The following MTOR variants were observed in gnomAD, a reference collection of about 807,000 sequenced individuals.
MTOR encodes mechanistic target of rapamycin kinase, also known as serine/threonine-protein kinase mTOR.
In MTOR, 70 loss-of-function variants were observed where a neutral mutation model predicts 319.8. That is an observed-to-expected ratio of 0.22 (90% CI 0.18 to 0.27). The LOEUF (loss-of-function observed/expected upper bound fraction) is 0.27. Among genes scored for constraint, MTOR ranks in the 10% least tolerant of loss-of-function variants. MTOR has a pLI of 1.00. For missense variants in MTOR, 1,890 were observed against 3,274.4 expected (o/e 0.58, Z 10.32); for synonymous variants, 1,183 against 1,211.4 (o/e 0.98, Z 0.49).
rs759673702 is a variant in MTOR at position 11,199,242 on chromosome 1, A to T, written c.4253+16T>A. On this transcript the variant is annotated intron_variant, in intron 28 of 57. Transcript: ENST00000361445. This position sits in a 1 kb window ranked among gnomAD's most constrained non-coding sequence, Gnocchi z 4.5. ...TTTTGCATGAAGGCAGCAATTAAAA[A>T]GGGTTTATGGCCTACCTGATGAGAG... is the stretch of plus-strand genomic sequence containing the variant. 6.2e-7 allele frequency: 1 copy of T among 1,614,144 alleles called. No homozygotes were observed. Among genetic ancestry groups the T allele is most frequent in the Non-Finnish European group, 8.5e-7 (1 of 1,179,992 alleles).
chr1:11,131,671 C>T (rs1238707072), intron 38 of MTOR: 1 of 152,184 alleles, frequency 6.6e-6, no homozygotes, highest in Admixed American at 6.5e-5. Flanking sequence ...GAATACTACT[C>T]TCTCTGGGGT....
intron 2 of MTOR, among the ~76,000 whole-genome samples, chr1:11,258,977 G>A (rs1459410549): frequency 6.6e-6 from 1 of 152,134 alleles, no homozygotes; most frequent in Non-Finnish European, 1.5e-5. Flanking sequence ...TGAGGGTGTG[G>A]TATGTGGTAA....
chr1:11,220,063 AAG>A (rs1170321039), intron 19 of MTOR, among the ~76,000 whole-genome samples: 8 of 94,418 alleles, frequency 8.5e-5, no homozygotes, highest in South Asian at 3.1e-4. Context: ...AAAGAAAAGA[AAG>A]AAAAAAAAAA....
chr1:11,108,946 C>T (rs1240863685), intron 56 of MTOR, among the ~76,000 whole-genome samples: 2 of 151,960 alleles, frequency 1.3e-5, no homozygotes, highest in African/African-American at 4.8e-5. Flanking sequence ...CAAGATGGAG[C>T]CACTGAACTC....
In MTOR at chr1:11,207,409, C is replaced by CTTTTTTTT. The variant is rs386366225; in HGVS notation, c.3801+1895_3801+1902dup. Among the ~76,000 whole-genome samples, 4 of 114,170 alleles carry CTTTTTTTT rather than the reference C, an allele frequency of 3.5e-5. 1 individual carries two copies. Among genetic ancestry groups the CTTTTTTTT allele is most frequent in the Non-Finnish European group, 1.7e-5 (1 of 58,706 alleles). The allele number at this position is 114,170 out of a possible 152,430, so 74.9% of individuals were successfully genotyped here. On this transcript the variant is annotated intron_variant, in intron 25 of 57. Transcript: ENST00000361445. ...AGCCACTGCACCTGGCCCCCTACCT[C>CTTTTTTTT]TTTTTTTTTTTTTTTTTTGAAGAGA... is the stretch of plus-strand genomic sequence containing the variant.
At chr1:11,251,030 T>C (rs1413461768) in intron 6 of MTOR, among the ~76,000 whole-genome samples, 1 of 152,220 alleles carries the variant, frequency 6.6e-6, no homozygotes, top group Non-Finnish European at 1.5e-5. Flanking sequence ...CTTTAGTCCT[T>C]GACCCTCTAA....
At chr1:11,202,420 C>CAAAAAAAAAAAAAAAAAAAAAAAAAAA (rs35136193) in intron 26 of MTOR, among the ~76,000 whole-genome samples, 1 of 72,160 alleles carries the variant, frequency 1.4e-5, no homozygotes, top group Admixed American at 1.9e-4. Flanking sequence ...AACTCCGTCT[C>CAAAAAAAAAAAAAAAAAAAAAAAAAAA]AAAAAAAAAA....
chr1:11,152,810 C>A (rs1644193689), intron 30 of MTOR, among the ~76,000 whole-genome samples: 1 of 152,214 alleles, frequency 6.6e-6, no homozygotes. Context: ...ACAGAATTGA[C>A]TGAATAAACC....
chr1:11,244,951 C>T (rs900816525), intron 8 of MTOR, among the ~76,000 whole-genome samples: 1 of 152,174 alleles, frequency 6.6e-6, no homozygotes, highest in African/African-American at 2.4e-5. Context: ...AGGACAAATT[C>T]TCCTAAGACG....
At chr1:11,195,954 T>C (rs900926062) in intron 28 of MTOR, 2 of 152,246 alleles carry the variant, frequency 1.3e-5, no homozygotes, top group Admixed American at 6.5e-5. Flanking sequence ...TTTCTTTTCC[T>C]TCTACAATAA....
intron 19 of MTOR, among the ~76,000 whole-genome samples, chr1:11,221,588 G>T (rs981456201): frequency 2.0e-5 from 3 of 150,996 alleles, no homozygotes; most frequent in Non-Finnish European, 4.4e-5. Flanking sequence ...ATTTTTTTCC[G>T]CCAGAAAGCA....
intron 26 of MTOR, among the ~76,000 whole-genome samples, chr1:11,201,923 TTAGCCTCCTGAG>T (rs1306864365): frequency 6.6e-6 from 1 of 152,154 alleles, no homozygotes; most frequent in Non-Finnish European, 1.5e-5. Flanking sequence ...TCCCCCCGCC[TTAGCCTCCTGAG>T]TAGCTAGGAT....
chr1:11,240,299 T>C lies in MTOR; in HGVS notation c.1786+4A>G. On this transcript the variant is annotated splice_donor_region_variant and intron_variant, in intron 11 of 57. Coordinates refer to ENST00000361445, the MANE Select transcript of MTOR (RefSeq NM_004958.4). ...TCTTGGCAAGAGCCGTTGTAATTTC[T>C]TACCTTCAAATTCAAAGCTGCCAAG... is the stretch of plus-strand genomic sequence containing the variant. 3 of 1,551,658 alleles carry C rather than the reference T, an allele frequency of 1.9e-6. No homozygotes were observed. Among genetic ancestry groups the C allele is most frequent in the Non-Finnish European group, 2.6e-6 (3 of 1,149,884 alleles).
intron 11 of MTOR, among the ~76,000 whole-genome samples, chr1:11,238,891 T>C (rs922428105): frequency 1.3e-5 from 2 of 151,260 alleles, no homozygotes; most frequent in Non-Finnish European, 2.9e-5. Context: ...GCCTCCTGAG[T>C]AGCTGGGACT....
Position 11,258,517 on chromosome 1 carries a change from G to A in MTOR, c.239C>T (p.Ala80Val). The change falls in exon 3 of 58, where the codon GCC becomes GTC. Residue 80 changes from alanine (A) to valine (V), a missense_variant. Physicochemically the swap from Ala to Val is moderately conservative, Grantham distance 64. Coordinates refer to ENST00000361445, the MANE Select transcript of MTOR (RefSeq NM_004958.4). Reference protein sequence around the residue: ...HIFELVSSSDANERKGGILAI... With the variant: ...HIFELVSSSDVNERKGGILAI... ...CAAGATGCCACCTTTCCTCTCATTG[G>A]CATCTGAGCTGGAAACCAATTCAAA... 8 of 1,613,972 alleles carry A rather than the reference G, an allele frequency of 5.0e-6. No homozygotes were observed. Among genetic ancestry groups the A allele is most frequent in the Non-Finnish European group, 6.8e-6 (8 of 1,179,946 alleles).
At chr1:11,113,613 A>AT (rs1473908019) in intron 53 of MTOR, among the ~76,000 whole-genome samples, 1 of 151,922 alleles carries the variant, frequency 6.6e-6, no homozygotes, top group East Asian at 1.9e-4. Context: ...TAAATTTTTT[A>AT]TTTTTTTATT....
intron 38 of MTOR, chr1:11,132,122 T>G (rs540537000): frequency 1.5e-4 from 23 of 152,324 alleles, no homozygotes; most frequent in African/African-American, 5.3e-4. Context: ...TAGGAAAAGC[T>G]TTTAAAAACT....
intron 29 of MTOR, among the ~76,000 whole-genome samples, chr1:11,167,198 A>G (rs1432629819): frequency 6.6e-6 from 1 of 152,166 alleles, no homozygotes; most frequent in Non-Finnish European, 1.5e-5. Context: ...TACATATGTA[A>G]CAAACCTGCA....
At position 11,229,446 on chromosome 1, in the gene MTOR, G is replaced by C. The variant is rs115918715; in HGVS notation, c.2780-528C>G. 6.6e-3 allele frequency among the ~76,000 whole-genome samples: 1,010 copies of C among 152,246 alleles called. 7 individuals are homozygous for C. Among genetic ancestry groups the C allele is most frequent in the African/African-American group, 0.023 (951 of 41,524 alleles). On this transcript the variant is annotated intron_variant, in intron 18 of 57. Transcript: ENST00000361445. ...GAGGTATACTAACATGAAGAGTGCA[G>C]CGAGGAGGGTAAGAACTAAACAGAT...
Sources: allele counts gnomAD v4.1 joint callset (sites outside exome capture counted in the v4.1 genomes callset), GRCh38; gene constraint gnomAD v4.1.1; non-coding constraint Gnocchi (gnomAD v3.1); transcripts MANE v1.5; gene names NCBI Gene and HGNC (gene_info 2026-07-23, HGNC 2026-07-21).